The following PTPRN2 variants were observed in gnomAD, a reference collection of about 807,000 sequenced individuals.
The protein encoded by PTPRN2 is protein tyrosine phosphatase receptor type N2.
Under a neutral mutation model 118.8 loss-of-function variants are expected in PTPRN2, and 74 were observed. The ratio of observed to expected loss-of-function variants is 0.62; its 90% confidence interval spans 0.52 to 0.76. The LOEUF is 0.76. Among genes scored for constraint, PTPRN2 ranks in the 30% least tolerant of loss-of-function variants. The pLI is 0.00. For missense variants in PTPRN2, 1,481 were observed against 1,394.4 expected, an observed-to-expected ratio of 1.06 and a Z score of -0.99; for synonymous variants, 641 against 608.0, an observed-to-expected ratio of 1.05 and a Z score of -0.80.
chr7:158,275,476 A>G (rs1798899153), intron 3 of PTPRN2, among the ~76,000 whole-genome samples: 1 of 152,198 alleles, frequency 6.6e-6, no homozygotes, highest in Non-Finnish European at 1.5e-5. Flanking sequence ...CAAAGCAGCC[A>G]ACAATAAAAC....
chr7:158,268,078 C>A (rs758911769), intron 3 of PTPRN2, among the ~76,000 whole-genome samples: 6 of 152,180 alleles, frequency 3.9e-5, no homozygotes, highest in Non-Finnish European at 8.8e-5. Flanking sequence ...CTTCAAGGCA[C>A]GAGATCCTCA....
intron 11 of PTPRN2, among the ~76,000 whole-genome samples, chr7:158,045,948 G>A (rs1205529212): frequency 6.1e-5 from 9 of 148,556 alleles, no homozygotes; most frequent in South Asian, 2.1e-4. Context: ...CAGAACCTGC[G>A]ATCCTGGCAT....
Position 158,365,502 on chromosome 7 carries a change from C to T in PTPRN2, c.164-48570G>A, listed in dbSNP as rs180739047. Among the ~76,000 whole-genome samples the T allele has an allele frequency of 2.0e-3, 304 of 152,322 alleles. 1 individual carries two copies. Among genetic ancestry groups the T allele is most frequent in the African/African-American group, 6.5e-3 (272 of 41,578 alleles). On this transcript the variant is annotated intron_variant, in intron 2 of 22. Coordinates refer to ENST00000389418, the MANE Select transcript of PTPRN2 (RefSeq NM_002847.5). ...CAATCAGCTGGAGTGACAGGAAACA[C>T]GTTCGCTCCCATTGGAAACAGCACG...
At chr7:158,309,828 C>T (rs1438687275) in intron 3 of PTPRN2, among the ~76,000 whole-genome samples, 3 of 152,208 alleles carry the variant, frequency 2.0e-5, no homozygotes, top group Non-Finnish European at 2.9e-5. Context: ...CCTCCCCAAA[C>T]GTACGTGCTG....
chr7:157,593,007 G>A (rs1386087605), intron 17 of PTPRN2, among the ~76,000 whole-genome samples: 11 of 104,328 alleles, frequency 1.1e-4, no homozygotes, highest in East Asian at 3.6e-4. Context: ...GAGGCTTCAC[G>A]CAGGACGGAG....
At chr7:157,669,194 T>C (rs1079060) in intron 13 of PTPRN2, among the ~76,000 whole-genome samples, 77,085 of 151,786 alleles carry the variant, frequency 0.51, 19,729 homozygotes, top group Non-Finnish European at 0.54. Context: ...GGAGAGCAAA[T>C]GGCCCACGGC....
chr7:158,020,881 T>C (rs1468846431), intron 11 of PTPRN2, among the ~76,000 whole-genome samples: 2 of 152,128 alleles, frequency 1.3e-5, no homozygotes, highest in African/African-American at 2.4e-5. Context: ...CTGCCGGAAG[T>C]GTGGATGCCG....
intron 2 of PTPRN2, among the ~76,000 whole-genome samples, chr7:158,423,360 CT>C (rs1563275998): frequency 6.6e-6 from 1 of 152,220 alleles, no homozygotes; most frequent in South Asian, 2.1e-4. Context: ...CAAGCCTGAC[CT>C]TTCCGGGGAG....
chr7:158,245,760 T>C lies in PTPRN2; in HGVS notation c.278-40487A>G, dbSNP rs1018140593. Among the ~76,000 whole-genome samples the C allele has an allele frequency of 7.9e-5, 12 of 151,898 alleles. 1 individual carries two copies. The South Asian group carries it at 2.5e-3, about 31-fold the overall frequency. ...TGACGTGGCTGTGTGAACAGGTGAGTGGGGATGTGGAAGCAGCCGGCTCAG... is the reference window on the plus strand; with the variant it reads ...TGACGTGGCTGTGTGAACAGGTGAGCGGGGATGTGGAAGCAGCCGGCTCAG... On this transcript the variant is annotated intron_variant, in intron 3 of 22. Coordinates refer to ENST00000389418, the MANE Select transcript of PTPRN2 (RefSeq NM_002847.5).
At chr7:157,613,913 C>T (rs1181140707) in intron 15 of PTPRN2, 1 of 416,884 alleles carries the variant, frequency 2.4e-6, no homozygotes, top group African/African-American at 2.1e-5. Flanking sequence ...ATCCGGACTC[C>T]TCGAGCCCCT....
chr7:158,056,159 C>T (rs1263440019), intron 11 of PTPRN2, among the ~76,000 whole-genome samples: 1 of 152,230 alleles, frequency 6.6e-6, no homozygotes, highest in African/African-American at 2.4e-5. Context: ...TTCGTATTGG[C>T]CTTGGTAACT....
At chr7:157,815,206 G>A (rs1013941261) in intron 12 of PTPRN2, among the ~76,000 whole-genome samples, 4 of 152,208 alleles carry the variant, frequency 2.6e-5, no homozygotes, top group African/African-American at 4.8e-5. Context: ...GTGGGCAGGC[G>A]CTGGGCACGC....
At chr7:158,007,007 G>T (rs931304151) in intron 11 of PTPRN2, among the ~76,000 whole-genome samples, 2 of 152,180 alleles carry the variant, frequency 1.3e-5, no homozygotes, top group Non-Finnish European at 2.9e-5. Flanking sequence ...TCTGGGGGCT[G>T]AAGTCTGAGG....
intron 9 of PTPRN2, among the ~76,000 whole-genome samples, chr7:158,128,372 G>A (rs112552088): frequency 0.019 from 2,864 of 152,072 alleles, 72 homozygotes; most frequent in African/African-American, 0.058. Context: ...AGTTGAAGTC[G>A]CAAAGGAAAA....
rs1826166503 is a variant in PTPRN2, at chr7:158,544,457, G to A, written c.112+43101C>T. The stretch of plus-strand genomic sequence containing the variant: ...TTGAGACCAGCCTGGCCAACATAGT[G>A]AAACCCTGTCTCTAATAAAAATACA... On this transcript the variant is annotated intron_variant, in intron 1 of 22. Coordinates refer to ENST00000389418, the MANE Select transcript of PTPRN2 (RefSeq NM_002847.5). The surrounding 1 kb of genome is among the most constrained non-coding windows in gnomAD (Gnocchi z 4.2). Among the ~76,000 whole-genome samples, 1 of 152,052 alleles carries A rather than the reference G, an allele frequency of 6.6e-6. No homozygotes were observed. Among genetic ancestry groups the A allele is most frequent in the Non-Finnish European group, 1.5e-5 (1 of 68,014 alleles).
At chr7:157,757,521 G>A (rs909825581) in intron 12 of PTPRN2, among the ~76,000 whole-genome samples, 1 of 152,040 alleles carries the variant, frequency 6.6e-6, no homozygotes, top group East Asian at 1.9e-4. Context: ...CTTTGGATAC[G>A]GGCAGAGGAA....
intron 12 of PTPRN2, among the ~76,000 whole-genome samples, chr7:157,695,216 T>C (rs966836786): frequency 6.6e-6 from 1 of 152,042 alleles, no homozygotes; most frequent in Non-Finnish European, 1.5e-5. Context: ...AATGTATTTT[T>C]AAACAAAATA....
intron 3 of PTPRN2, among the ~76,000 whole-genome samples, chr7:158,208,850 A>T (rs1827364754): frequency 6.6e-6 from 1 of 152,178 alleles, no homozygotes; most frequent in Admixed American, 6.5e-5. Flanking sequence ...AACTTTTCAG[A>T]TATAAAGATA....
intron 15 of PTPRN2, among the ~76,000 whole-genome samples, chr7:157,613,035 G>A (rs1047701248): frequency 2.0e-5 from 3 of 152,126 alleles, no homozygotes; most frequent in African/African-American, 7.2e-5. Context: ...GGGTGCTTCC[G>A]GCCTGGGTGG....
Sources: allele counts gnomAD v4.1 joint callset (sites outside exome capture counted in the v4.1 genomes callset), GRCh38; gene constraint gnomAD v4.1.1; non-coding constraint Gnocchi (gnomAD v3.1); transcripts MANE v1.5; gene names NCBI Gene and HGNC (gene_info 2026-07-23, HGNC 2026-07-21).